Variants in NOXA1 observed in about 807,000 individuals in gnomAD.
NOXA1 encodes NADPH oxidase activator 1.
A neutral mutation model predicts 64.8 loss-of-function variants in NOXA1; 56 were observed. That is an observed-to-expected ratio of 0.86 (90% CI 0.70 to 1.08). The LOEUF is 1.08. NOXA1 is among the 50% of genes least tolerant of loss of function. NOXA1 has a pLI of 0.00. For synonymous variants in NOXA1, 295 were observed against 294.8 expected (o/e 1.00, Z -0.01); for missense variants, 668 against 658.5 (o/e 1.01, Z -0.16).
Position 137,431,080 on chromosome 9 carries a change from A to G in NOXA1, c.678A>G (p.Pro226=). The part of the protein sequence containing the change: ...WGVRPQQPQG[P]GANHDARSLI... ...TTGTTGCTTTGTGTCCACAGGGACC[A>G]GGAGCGAACCATGATGCCAGGTAGG... Residue 226 remains proline (P), a synonymous_variant, in exon 7 of 14, where the codon CCA becomes CCG. Transcript: ENST00000683555. This position sits in a 1 kb window ranked among gnomAD's most constrained non-coding sequence, Gnocchi z 5.6. 2 of 1,613,302 alleles carry G rather than the reference A, an allele frequency of 1.2e-6. No individual in the cohort carries two copies. Among genetic ancestry groups the G allele is most frequent in the Non-Finnish European group, 8.5e-7 (1 of 1,179,988 alleles).
intron 1 of NOXA1, among the ~76,000 whole-genome samples, chr9:137,424,599 C>A (rs1381229263): frequency 6.6e-6 from 1 of 152,144 alleles, no homozygotes; most frequent in East Asian, 1.9e-4. Flanking sequence ...ACTACCACGC[C>A]TGGCTAATTT....
At position 137,431,302 on chromosome 9, in the gene NOXA1, C is replaced by T. The variant is rs755588027; in HGVS notation, c.765C>T (p.Val255=). 6.0e-5 allele frequency: 96 copies of T among 1,611,728 alleles called. No homozygotes were observed. Among genetic ancestry groups the T allele is most frequent in the East Asian group, 8.9e-5 (4 of 44,882 alleles). Residue 255 remains valine, a synonymous_variant, in exon 8 of 14, where the codon GTC becomes GTT. Coordinates refer to ENST00000683555, the MANE Select transcript of NOXA1 (RefSeq NM_001256067.2). This position sits in a 1 kb window ranked among gnomAD's most constrained non-coding sequence, Gnocchi z 5.6. ...GCCCCCTCGATGCAGAGACAGAGGT[C>T]GGTGCTGACCGCTGCACGTCGACTG... The part of the protein sequence containing the change: ...HQGPLDAETE[V]GADRCTSTAY...
chr9:137,429,336 T>C lies in NOXA1; in HGVS notation c.565T>C (p.Trp189Arg). 1.3e-6 allele frequency: 2 copies of C among 1,584,280 alleles called. No homozygotes were observed. The highest frequency in any genetic ancestry group is 1.7e-6 in the Non-Finnish European group (2 of 1,166,740). Residue 189 changes from tryptophan (W) to arginine (R), a missense_variant, in exon 5 of 14, where the codon TGG becomes CGG. Physicochemically the swap from Trp to Arg is moderately radical, Grantham distance 101 (BLOSUM62 -3). Transcript: ENST00000683555. ...GGGCGAGGTCTTCCGGCCCCACCGG[T>C]GGCACCTGAAGCACTTGGAGCCCGT... The part of the protein sequence containing the change: ...PRGEVFRPHR[W>R]HLKHLEPVDF...
intron 5 of NOXA1, among the ~76,000 whole-genome samples, chr9:137,429,913 C>T (rs1394909546): frequency 1.6e-5 from 2 of 128,348 alleles, no homozygotes; most frequent in Non-Finnish European, 3.2e-5. Flanking sequence ...GCCTGTGTGC[C>T]TGCCACAGAT....
In NOXA1 at chr9:137,431,898, C is replaced by G. The variant is rs28648835; in HGVS notation, c.804+557C>G. 1.1e-3 allele frequency among the ~76,000 whole-genome samples: 172 copies of G among 152,298 alleles called. No homozygotes were observed. The highest frequency in any genetic ancestry group is 4.1e-3 in the African/African-American group (169 of 41,554). Reference sequence around the variant, plus strand: ...GCCCAGAGAAGGCACCTGCATTTCACGCTGAGCGCATCTGAGGATGCGATC... The same window carrying G: ...GCCCAGAGAAGGCACCTGCATTTCAGGCTGAGCGCATCTGAGGATGCGATC... On this transcript the variant is annotated intron_variant, in intron 8 of 13. Coordinates refer to ENST00000683555, the MANE Select transcript of NOXA1 (RefSeq NM_001256067.2). The surrounding 1 kb of genome is among the most constrained non-coding windows in gnomAD (Gnocchi z 5.6).
At chr9:137,430,689 G>A (rs1839072057) in intron 5 of NOXA1, 95 bp from the exon 6 acceptor site, 13 of 1,083,968 alleles carry the variant, frequency 1.2e-5, no homozygotes, top group South Asian at 1.7e-5. Flanking sequence ...AGCCCCCGGG[G>A]ACTTAGAGCT....
At position 137,433,245 on chromosome 9, in the gene NOXA1, GGACCCCGCGGGT is replaced by G; in HGVS notation, c.893_904del (p.Asp298_Gly301del). On this transcript the variant is annotated inframe_deletion, in exon 10 of 14. Transcript: ENST00000683555. ...GGGGGCCTGGCCCCGGCCCCTGTGA[GGACCCCGCGGGT>G]GCTGGGGTAAGAGGCTCTAGACCCT... 6.3e-7 allele frequency: 1 copy of G among 1,594,714 alleles called. No individual in the cohort carries two copies. Among genetic ancestry groups the G allele is most frequent in the Non-Finnish European group, 8.5e-7 (1 of 1,172,244 alleles).
In NOXA1 at chr9:137,424,119, C is replaced by T. The variant is rs537563769; in HGVS notation, c.177+413C>T. On this transcript the variant is annotated intron_variant, in intron 1 of 13. Coordinates refer to ENST00000683555, the MANE Select transcript of NOXA1 (RefSeq NM_001256067.2). ...GGGTGCCAGGGTGCAGCGGCCGAGG[C>T]CCTGCACGGAGCCCGGTGCCCTTCT... is the stretch of plus-strand genomic sequence containing the variant. 2.6e-5 allele frequency among the ~76,000 whole-genome samples: 4 copies of T among 152,264 alleles called. No homozygotes were observed. In the East Asian group the frequency reaches 7.8e-4, roughly 30 times the overall value.
intron 2 of NOXA1, 147 bp downstream of exon 2, chr9:137,426,477 A>G (rs1588461799): frequency 1.2e-5 from 7 of 590,976 alleles, no homozygotes; most frequent in Non-Finnish European, 1.4e-5. Context: ...GGGAAACCTG[A>G]GACTGTGGCC....
chr9:137,431,303 G>C lies in NOXA1; in HGVS notation c.766G>C (p.Gly256Arg). The change falls in exon 8 of 14, where the codon GGT (glycine) becomes CGT (arginine). Residue 256 changes from glycine (G) to arginine (R), a missense_variant. By Grantham distance (125) the Gly-to-Arg change is moderately radical. Coordinates refer to ENST00000683555, the MANE Select transcript of NOXA1 (RefSeq NM_001256067.2). The surrounding 1 kb of genome is among the most constrained non-coding windows in gnomAD (Gnocchi z 5.6). ...QGPLDAETEV[G>R]ADRCTSTAYQ... ...CCCCCTCGATGCAGAGACAGAGGTC[G>C]GTGCTGACCGCTGCACGTCGACTGC... The C allele has an allele frequency of 1.9e-6, 3 of 1,611,840 alleles. No individual in the cohort carries two copies. Among genetic ancestry groups the C allele is most frequent in the Non-Finnish European group, 2.5e-6 (3 of 1,179,940 alleles).
At chr9:137,426,164 G>T in intron 1 of NOXA1, 84 bp from the exon 2 acceptor site, 1 of 1,247,572 alleles carries the variant, frequency 8.0e-7, no homozygotes, top group South Asian at 1.2e-5. Flanking sequence ...GAATTCCGTG[G>T]CCCTGTCACC....
At chr9:137,427,667 G>A (rs1290577593) in intron 2 of NOXA1, among the ~76,000 whole-genome samples, 1 of 152,228 alleles carries the variant, frequency 6.6e-6, no homozygotes, top group Non-Finnish European at 1.5e-5. Flanking sequence ...TTGGAAGGAG[G>A]CTCAGAGTTT....
At chr9:137,425,628 C>T (rs1332140800) in intron 1 of NOXA1, among the ~76,000 whole-genome samples, 5 of 152,170 alleles carry the variant, frequency 3.3e-5, no homozygotes, top group Admixed American at 2.6e-4. Context: ...TCAGGTGATC[C>T]GCCCACCTCA....
In NOXA1 at chr9:137,430,842, A is replaced by G; in HGVS notation, c.671A>G (p.Gln224Arg). ...QGWGVRPQQP[Q>R]GPGANHDARS... ...TGGGGCGTCCGCCCTCAGCAGCCAC[A>G]GGTGGGTTTGCGGCCCCTCAGACCC... The change falls in exon 6 of 14, where the codon CAG (glutamine) becomes CGG (arginine). Residue 224 changes from glutamine (Q) to arginine (R), a missense_variant and splice_region_variant. By Grantham distance (43) the Gln-to-Arg change is conservative. Coordinates refer to ENST00000683555, the MANE Select transcript of NOXA1 (RefSeq NM_001256067.2). 1 of 1,585,398 alleles carries G rather than the reference A, an allele frequency of 6.3e-7. No homozygotes were observed. Among genetic ancestry groups the G allele is most frequent in the Non-Finnish European group, 8.6e-7 (1 of 1,168,618 alleles).
At chr9:137,432,575 C>G (rs1451322481) in intron 8 of NOXA1, among the ~76,000 whole-genome samples, 1 of 152,200 alleles carries the variant, frequency 6.6e-6, no homozygotes, top group Non-Finnish European at 1.5e-5. Context: ...GCGAGACTCC[C>G]TCTCAAAAAA....
Position 137,429,325 on chromosome 9 carries a change from G to T in NOXA1, c.554G>T (p.Arg185Leu), listed in dbSNP as rs550567027. 6 of 1,581,654 alleles carry T rather than the reference G, an allele frequency of 3.8e-6. No homozygotes were observed. In the East Asian group the frequency reaches 1.4e-4, roughly 36 times the overall value. ...PRQVPRGEVF[R>L]PHRWHLKHLE... The stretch of plus-strand genomic sequence containing the variant: ...CAGGTCCCCAGGGGCGAGGTCTTCC[G>T]GCCCCACCGGTGGCACCTGAAGCAC... Residue 185 changes from arginine (R) to leucine (L), a missense_variant, in exon 5 of 14, where the codon CGG (arginine) becomes CTG (leucine). Transcript: ENST00000683555.
chr9:137,429,185 C>A, intron 4 of NOXA1, 91 bp from the exon 5 acceptor site: 4 of 1,324,528 alleles, frequency 3.0e-6, no homozygotes, highest in South Asian at 1.5e-5. Context: ...GGGGCCCAAG[C>A]GGCCCCTTCT....
At chr9:137,433,395 G>A (rs1309989151) in intron 10 of NOXA1, 58 bp from the exon 11 acceptor site, 17 of 1,539,012 alleles carry the variant, frequency 1.1e-5, no homozygotes, top group East Asian at 7.0e-5. Context: ...GGCTGAAGAC[G>A]GCCCTGACCA....
Position 137,431,370 on chromosome 9 carries a change from TG to T in NOXA1, c.804+34del, listed in dbSNP as rs772118873. 6.4e-7 allele frequency: 1 copy of T among 1,556,714 alleles called. No homozygotes were observed. The highest frequency in any genetic ancestry group is 8.8e-7 in the Non-Finnish European group (1 of 1,138,730). ...CGTGGGCCTGGGCCTCTTCCCCTGC[TG>T]GGGGTCGGTGCTTCTGCTGCCTCCG... On this transcript the variant is annotated intron_variant, in intron 8 of 13. Transcript: ENST00000683555. This position sits in a 1 kb window ranked among gnomAD's most constrained non-coding sequence, Gnocchi z 5.6.
Sources: allele counts gnomAD v4.1 joint callset (sites outside exome capture counted in the v4.1 genomes callset), GRCh38; gene constraint gnomAD v4.1.1; non-coding constraint Gnocchi (gnomAD v3.1); transcripts MANE v1.5; gene names NCBI Gene and HGNC (gene_info 2026-07-23, HGNC 2026-07-21).